Variants in LCT observed in about 807,000 individuals in gnomAD.
The protein encoded by LCT is lactase.
Under a neutral mutation model 173.0 loss-of-function variants are expected in LCT, and 90 were observed. The ratio of observed to expected loss-of-function variants is 0.52; its 90% CI spans 0.44 to 0.62. The LOEUF is 0.62. Ranked by LOEUF, LCT falls within the 20% of genes least tolerant of loss-of-function variation. LCT has a pLI of 0.00. For synonymous variants in LCT, 853 were observed against 957.6 expected (o/e 0.89, Z 2.02); for missense variants, 1,864 against 2,431.4 (o/e 0.77, Z 4.91).
Position 135,788,109 on chromosome 2 carries a change from GCCC to G in LCT, c.*212_*214del. ...CGCAAGAGCTACTTGCTTCTCAAAT[GCCC>G]AAATGAACTCTGATACTGGAGCAAG... On this transcript the variant is annotated 3_prime_UTR_variant, in exon 17 of 17. Coordinates refer to ENST00000264162, the MANE Select transcript of LCT (RefSeq NM_002299.4). 1.7e-6 allele frequency: 1 copy of G among 587,682 alleles called. No homozygotes were observed. Among genetic ancestry groups the G allele is most frequent in the Middle Eastern group, 4.7e-4 (1 of 2,124 alleles). The allele number at this position is 587,682 out of a possible 1,614,324, so 36.4% of individuals were successfully genotyped here.
intron 13 of LCT, among the ~76,000 whole-genome samples, chr2:135,795,067 A>G (rs1392740633): frequency 6.6e-6 from 1 of 152,184 alleles, no homozygotes; most frequent in Non-Finnish European, 1.5e-5. Flanking sequence ...ACACACACAC[A>G]CATGCATAAA....
intron 11 of LCT, among the ~76,000 whole-genome samples, chr2:135,802,531 A>G (rs1356339119): frequency 6.6e-6 from 1 of 152,256 alleles, no homozygotes; most frequent in African/African-American, 2.4e-5. Context: ...CTATACAGCC[A>G]TAAAGAAGGA....
chr2:135,833,998 T>A (rs967508875), intron 1 of LCT, among the ~76,000 whole-genome samples: 9 of 152,218 alleles, frequency 5.9e-5, no homozygotes, highest in Admixed American at 5.9e-4. Context: ...TTATTTCACA[T>A]AGCATAATGT....
chr2:135,822,295 T>C (rs2077840975), intron 4 of LCT, 197 bp from the exon 5 acceptor site: 1 of 569,608 alleles, frequency 1.8e-6, no homozygotes, highest in Non-Finnish European at 3.1e-6. Flanking sequence ...TAAAAGTGGT[T>C]CTCAAACTTC....
chr2:135,836,823 A>C lies in LCT; in HGVS notation c.347T>G (p.Leu116Arg), dbSNP rs1679409784. ...DEKTVQCYRR[L>R]LKALKTARLQ... ...CCGTGCAGTCTTGAGGGCCTTGAGG[A>C]GTCGCCGGTAGCACTGCACTGTTTT... The change falls in exon 1 of 17, where the codon CTC becomes CGC. Residue 116 changes from leucine (L) to arginine (R), a missense_variant. Leu to Arg is a moderately radical substitution (Grantham distance 102). Around this residue, in one of 4 missense-constraint regions of LCT, gnomAD observed 412 missense variants for 462.0 expected, o/e 0.89. Coordinates refer to ENST00000264162, the MANE Select transcript of LCT (RefSeq NM_002299.4). 3.1e-6 allele frequency: 5 copies of C among 1,614,174 alleles called. No individual in the cohort carries two copies. The highest frequency in any genetic ancestry group is 4.2e-6 in the Non-Finnish European group (5 of 1,180,026).
Position 135,836,991 on chromosome 2 carries a change from T to A in LCT, c.179A>T (p.Asp60Val). ...CAGTGGCTGGTGACAAACATACATGTCTTTGTCCCCTGCTACAAAGTTAGA... is the reference window on the plus strand; with the variant it reads ...CAGTGGCTGGTGACAAACATACATGACTTTGTCCCCTGCTACAAAGTTAGA... ...QSSNFVAGDK[D>V]MYVCHQPLPT... Residue 60 changes from aspartate to valine, a missense_variant, in exon 1 of 17, where the codon GAC becomes GTC. Coordinates refer to ENST00000264162, the MANE Select transcript of LCT (RefSeq NM_002299.4). 6.2e-7 allele frequency: 1 copy of A among 1,614,032 alleles called. No individual in the cohort carries two copies. Among genetic ancestry groups the A allele is most frequent in the Non-Finnish European group, 8.5e-7 (1 of 1,179,942 alleles).
At chr2:135,796,382 C>A (rs565072864) in intron 13 of LCT, among the ~76,000 whole-genome samples, 1 of 152,336 alleles carries the variant, frequency 6.6e-6, no homozygotes, top group African/African-American at 2.4e-5. Flanking sequence ...CAGCAATGGC[C>A]TGTGGCACCA....
In LCT at chr2:135,833,174, A is replaced by G. The variant is rs377032381; in HGVS notation, c.657T>C (p.Val219=). 1.2e-6 allele frequency: 2 copies of G among 1,613,878 alleles called. No individual in the cohort carries two copies. Among genetic ancestry groups the G allele is most frequent in the African/African-American group, 2.7e-5 (2 of 74,904 alleles). Residue 219 remains valine (V), a synonymous_variant, in exon 2 of 17, where the codon GTT becomes GTC. Coordinates refer to ENST00000264162, the MANE Select transcript of LCT (RefSeq NM_002299.4). ...SYAFQGGKLS[V]VLRAEDIPEL... ...CCGGGATATCTTCAGCTCGCAGGAC[A>G]ACAGAGAGTTTTCCGCCTGAAACCA...
intron 3 of LCT, among the ~76,000 whole-genome samples, chr2:135,826,323 G>C (rs1035741573): frequency 3.2e-4 from 48 of 151,922 alleles, no homozygotes; most frequent in Non-Finnish European, 2.6e-4. Flanking sequence ...GGAGGTCGAG[G>C]GGGGTGGTGG....
At position 135,812,521 on chromosome 2, in the gene LCT, G is replaced by A; in HGVS notation, c.2143C>T (p.His715Tyr). Residue 715 changes from histidine to tyrosine, a missense_variant, in exon 7 of 17, where the codon CAT (histidine) becomes TAT (tyrosine). His to Tyr is a moderately conservative substitution (Grantham distance 83). Around this residue, in one of 4 missense-constraint regions of LCT, gnomAD observed 755 missense variants for 926.3 expected, o/e 0.82. Transcript: ENST00000264162. ...TIGGFSQHVNHVWPQTSSSWI... is the reference protein window; with the variant it reads ...TIGGFSQHVNYVWPQTSSSWI... ...GAGGATGAGGTCTGGGGCCACACAT[G>A]GTTCACGTGTTGGGAGAAGCCTCCA... is the stretch of plus-strand genomic sequence containing the variant. The A allele has an allele frequency of 2.5e-6, 4 of 1,614,212 alleles. No homozygotes were observed. Among genetic ancestry groups the A allele is most frequent in the Non-Finnish European group, 3.4e-6 (4 of 1,180,034 alleles).
At chr2:135,831,751 G>A (rs2077942065) in intron 2 of LCT, among the ~76,000 whole-genome samples, 1 of 151,980 alleles carries the variant, frequency 6.6e-6, no homozygotes, top group African/African-American at 2.4e-5. Flanking sequence ...TGACTCCTGG[G>A]GCCCCCATCA....
At chr2:135,793,902 C>T (rs1316297714) in intron 14 of LCT, among the ~76,000 whole-genome samples, 1 of 150,356 alleles carries the variant, frequency 6.7e-6, no homozygotes, top group Non-Finnish European at 1.5e-5. Flanking sequence ...AACCCTGTCT[C>T]TACTAAAAAC....
intron 5 of LCT, among the ~76,000 whole-genome samples, chr2:135,819,157 T>TTATGTGCATGTATATGCATGTACATATG (rs2077807683): frequency 6.6e-6 from 1 of 152,210 alleles, no homozygotes; most frequent in Non-Finnish European, 1.5e-5. Context: ...ACATACATGT[T>TTATGTGCATGTATATGCATGTACATATG]TATGTGCATG....
chr2:135,797,584 C>G (rs1036239608), intron 13 of LCT, among the ~76,000 whole-genome samples: 1 of 152,194 alleles, frequency 6.6e-6, no homozygotes, highest in African/African-American at 2.4e-5. Flanking sequence ...GATGGGTAAA[C>G]GTTGGCTGCT....
intron 11 of LCT, 40 bp from the exon 12 acceptor site, chr2:135,800,849 A>C (rs776538342): frequency 3.4e-6 from 5 of 1,491,798 alleles, no homozygotes; most frequent in Non-Finnish European, 4.7e-6. Context: ...GAATGGATAG[A>C]ATGGATGTGA....
In LCT at chr2:135,807,888, G is replaced by T. The variant is rs1437415123; in HGVS notation, c.3905-492C>A. Among the ~76,000 whole-genome samples the T allele has an allele frequency of 3.3e-5, 5 of 151,842 alleles. No homozygotes were observed. The East Asian group carries it at 9.6e-4, about 29-fold the overall frequency. On this transcript the variant is annotated intron_variant, in intron 8 of 16. Transcript: ENST00000264162. Reference sequence around the variant, plus strand: ...CATGCCTGTAATCCTAACACTTTGGGAGGCAAAGGCAGGTGGATCACTTGA... The same window carrying T: ...CATGCCTGTAATCCTAACACTTTGGTAGGCAAAGGCAGGTGGATCACTTGA...
rs1332485484 is a variant in LCT at position 135,790,617 on chromosome 2, CAG to C, written c.5335+39_5335+40del. The C allele has an allele frequency of 1.5e-6, 2 of 1,309,058 alleles. No homozygotes were observed. The highest frequency in any genetic ancestry group is 2.2e-6 in the Non-Finnish European group (2 of 903,954). 81.1% of individuals were successfully genotyped at this position (1,309,058 alleles called of 1,614,324 possible). A position where few individuals can be genotyped will look rare whatever the true frequency, so the allele number is the denominator to read the frequency against. On this transcript the variant is annotated intron_variant, in intron 15 of 16. Transcript: ENST00000264162. The surrounding 1 kb of genome is among the most constrained non-coding windows in gnomAD (Gnocchi z 4.1). ...TCCTGCAAATAGCAGATGTTTCCAA[CAG>C]GGGAAGGTGCACGCTGGGGAAGGGC...
At chr2:135,794,161 C>T (rs1263821687) in intron 14 of LCT, among the ~76,000 whole-genome samples, 1 of 51,824 alleles carries the variant, frequency 1.9e-5, no homozygotes, top group Non-Finnish European at 4.5e-5. Flanking sequence ...AAAATAAAAA[C>T]TGTTACTTAA....
chr2:135,796,999 G>A (rs1232811838), intron 13 of LCT, among the ~76,000 whole-genome samples: 1 of 149,280 alleles, frequency 6.7e-6, no homozygotes, highest in Admixed American at 6.7e-5. Flanking sequence ...CCAGGCTGGA[G>A]TGCAGTGGCA....
Sources: allele counts gnomAD v4.1 joint callset (sites outside exome capture counted in the v4.1 genomes callset), GRCh38; gene constraint gnomAD v4.1.1; regional missense constraint gnomAD v4.1.1; non-coding constraint Gnocchi (gnomAD v3.1); transcripts MANE v1.5; gene names NCBI Gene and HGNC (gene_info 2026-07-23, HGNC 2026-07-21).